The following CATSPER2 variants were observed in gnomAD, a reference collection of about 807,000 sequenced individuals.
CATSPER2 encodes cation channel sperm associated 2.
CATSPER2 carries 56 observed loss-of-function variants against 68.8 expected under a neutral mutation model. That is an observed-to-expected ratio of 0.81 (90% CI 0.66 to 1.02). The LOEUF (loss-of-function observed/expected upper bound fraction) is 1.02. CATSPER2 is among the 50% of genes least tolerant of loss of function. The pLI is 0.00. For synonymous variants in CATSPER2, 198 were observed against 229.9 expected (o/e 0.86, Z 1.26); for missense variants, 582 against 642.0 (o/e 0.91, Z 1.01).
rs1215980262 is a variant in CATSPER2, at chr15:43,648,830, A to T, written c.-204T>A. 5 of 1,530,896 alleles carry T rather than the reference A, an allele frequency of 3.3e-6. No homozygotes were observed. The highest frequency in any genetic ancestry group is 1.2e-5 in the South Asian group (1 of 83,356). The allele number at this position is 1,530,896 out of a possible 1,614,324, so 94.8% of individuals were successfully genotyped here. A position where few individuals can be genotyped will look rare whatever the true frequency, so the allele number is the denominator to read the frequency against. ...CCCTAGCCCCTACCCACAGCCCAGG[A>T]CCATGCGGAGCAACGCTCGCCCAGC... On this transcript the variant is annotated 5_prime_UTR_variant, in exon 1 of 13. Transcript: ENST00000396879.
chr15:43,645,142 G>A (rs1294472934), intron 4 of CATSPER2, among the ~76,000 whole-genome samples: 3 of 151,712 alleles, frequency 2.0e-5, no homozygotes, highest in African/African-American at 7.3e-5. Context: ...TGCAACCTCC[G>A]CCTCCCAGGC....
At chr15:43,635,083 C>A (rs557131167) in intron 10 of CATSPER2, 86 of 497,670 alleles carry the variant, frequency 1.7e-4, no homozygotes, top group African/African-American at 1.6e-3. Flanking sequence ...TTTATAAGGA[C>A]CCTTGCCATT....
rs2085888229 is a variant in CATSPER2, at chr15:43,632,315, A to C, written c.1445T>G (p.Met482Arg). 5 of 1,613,562 alleles carry C rather than the reference A, an allele frequency of 3.1e-6. No individual in the cohort carries two copies. Among genetic ancestry groups the C allele is most frequent in the Admixed American group, 3.3e-5 (2 of 59,960 alleles). The stretch of plus-strand genomic sequence containing the variant: ...AACACGGTCATCCTGATCCATTTCC[A>C]TTAGCCCGGGCAGATTTTCGTGCAC... ...TLVHENLPGL[M>R]EMDQDDRVWP... The change falls in exon 12 of 13, where the codon ATG becomes AGG. Residue 482 changes from methionine to arginine, a missense_variant. Coordinates refer to ENST00000396879, the MANE Select transcript of CATSPER2 (RefSeq NM_172095.4).
chr15:43,643,739 C>T (rs148480471), intron 4 of CATSPER2, among the ~76,000 whole-genome samples: 1 of 151,994 alleles, frequency 6.6e-6, no homozygotes, highest in Non-Finnish European at 1.5e-5. Context: ...TGACCAAAAA[C>T]TTTATATAGC....
Position 43,632,783 on chromosome 15 carries a change from A to T in CATSPER2, c.1330T>A (p.Ser444Thr). 1 of 1,613,768 alleles carries T rather than the reference A, an allele frequency of 6.2e-7. No homozygotes were observed. Among genetic ancestry groups the T allele is most frequent in the Non-Finnish European group, 8.5e-7 (1 of 1,179,834 alleles). Reference protein sequence around the residue: ...LSKKREYQSSSCVSSTSSSYS... With the variant: ...LSKKREYQSSTCVSSTSSSYS... ...GAAGAGGATGTGGAGGAGACACAGG[A>T]GGAAGACTGGTACTCTCTCTTTTTT... is the stretch of plus-strand genomic sequence containing the variant. The change falls in exon 11 of 13, where the codon TCC (serine) becomes ACC (threonine). Residue 444 changes from serine to threonine, a missense_variant. Transcript: ENST00000396879.
intron 6 of CATSPER2, 34 bp downstream of exon 6, chr15:43,639,609 T>C: frequency 6.2e-7 from 1 of 1,611,720 alleles, no homozygotes; most frequent in East Asian, 2.2e-5. Flanking sequence ...TTATCTACCT[T>C]GCCCCCTGCT....
In CATSPER2 at chr15:43,635,829, G is replaced by A; in HGVS notation, c.1022-3C>T. 1.2e-6 allele frequency: 2 copies of A among 1,611,486 alleles called. No homozygotes were observed. Among genetic ancestry groups the A allele is most frequent in the Non-Finnish European group, 8.5e-7 (1 of 1,178,300 alleles). ...CCTGATATTCTGAAAGTTAGTAACT[G>A]CCCCAAAGGGCCATTAGGAGCTGGG... On this transcript the variant is annotated splice_polypyrimidine_tract_variant and splice_region_variant and intron_variant, in intron 8 of 12. Transcript: ENST00000396879.
chr15:43,644,736 T>A lies in CATSPER2; in HGVS notation c.388+2314A>T, dbSNP rs575866065. Among the ~76,000 whole-genome samples the A allele has an allele frequency of 1.4e-3, 220 of 151,942 alleles. 5 individuals are homozygous for A. The highest frequency in any genetic ancestry group is 6.8e-3 in the Middle Eastern group (2 of 294). ...GGTGGAACAGCTTCATCCTGAAACC[T>A]CCCTCCTACCCCATCCATGGAAAAA... is the stretch of plus-strand genomic sequence containing the variant. On this transcript the variant is annotated intron_variant, in intron 4 of 12. Coordinates refer to ENST00000396879, the MANE Select transcript of CATSPER2 (RefSeq NM_172095.4).
In CATSPER2 at chr15:43,648,798, G is replaced by C; in HGVS notation, c.-172C>G. ...ACCCCCAGGTTTCGGCTCACCCCGG[G>C]ACCCGGCCCTAGCCCCTACCCACAG... On this transcript the variant is annotated 5_prime_UTR_variant, in exon 1 of 13. Coordinates refer to ENST00000396879, the MANE Select transcript of CATSPER2 (RefSeq NM_172095.4). The C allele has an allele frequency of 3.9e-6, 6 of 1,531,684 alleles. No homozygotes were observed. Among genetic ancestry groups the C allele is most frequent in the African/African-American group, 1.4e-5 (1 of 72,216 alleles). 94.9% of individuals were successfully genotyped at this position (1,531,684 alleles called of 1,614,324 possible).
chr15:43,643,554 C>T (rs1374647122), intron 4 of CATSPER2, among the ~76,000 whole-genome samples: 1 of 151,772 alleles, frequency 6.6e-6, no homozygotes, highest in Admixed American at 6.6e-5. Context: ...CCAGGTTGGT[C>T]TTGAACTCCT....
At chr15:43,632,121 G>A in intron 12 of CATSPER2, 78 bp downstream of exon 12, 1 of 1,473,006 alleles carries the variant, frequency 6.8e-7, no homozygotes, top group Non-Finnish European at 9.5e-7. Flanking sequence ...CAGAATAGTG[G>A]ACACCCTCCT....
intron 4 of CATSPER2, among the ~76,000 whole-genome samples, chr15:43,644,322 C>A (rs1257588466): frequency 6.6e-6 from 1 of 151,956 alleles, no homozygotes; most frequent in African/African-American, 2.4e-5. Context: ...TCCCTTTCTA[C>A]CACAAGAATA....
At chr15:43,638,726 C>G (rs1362493828) in intron 7 of CATSPER2, among the ~76,000 whole-genome samples, 178 bp downstream of exon 7, 1 of 151,940 alleles carries the variant, frequency 6.6e-6, no homozygotes, top group Non-Finnish European at 1.5e-5. Flanking sequence ...GCCCTAACCT[C>G]AAGATCAGAG....
chr15:43,641,110 TTTTTG>T (rs2086064905), intron 4 of CATSPER2, among the ~76,000 whole-genome samples: 1 of 135,074 alleles, frequency 7.4e-6, no homozygotes, highest in African/African-American at 3.6e-5. Flanking sequence ...TTTGTTTTGT[TTTTTG>T]TTTTTTGTTT....
intron 4 of CATSPER2, among the ~76,000 whole-genome samples, chr15:43,646,400 C>T (rs111620230): frequency 7.0e-4 from 106 of 151,508 alleles, no homozygotes; most frequent in Admixed American, 1.1e-3. Flanking sequence ...GCTGGGATTA[C>T]AGGTGCCCAC....
In CATSPER2 at chr15:43,647,072, C is replaced by G; in HGVS notation, c.366G>C (p.Thr122=). The G allele has an allele frequency of 6.2e-7, 1 of 1,612,472 alleles. No homozygotes were observed. Among genetic ancestry groups the G allele is most frequent in the Non-Finnish European group, 8.5e-7 (1 of 1,178,748 alleles). ...CACCTATTTCAACCATCAATATGAT[C>G]GTATTCAAAAAGACCAGGAAGATGA... ...NFIIFLVFLN[T]IILMVEIELL... Residue 122 remains threonine (T), a synonymous_variant, in exon 4 of 13, where the codon ACG becomes ACC. Coordinates refer to ENST00000396879, the MANE Select transcript of CATSPER2 (RefSeq NM_172095.4).
At chr15:43,635,267 A>C (rs2085942733) in intron 10 of CATSPER2, 93 bp downstream of exon 10, 1 of 1,148,012 alleles carries the variant, frequency 8.7e-7, no homozygotes, top group Non-Finnish European at 1.3e-6. Flanking sequence ...TATTAAATGA[A>C]TGAATTATCT....
chr15:43,637,182 CAAATTTAGCA>C (rs1277434626), intron 7 of CATSPER2, among the ~76,000 whole-genome samples: 2 of 151,798 alleles, frequency 1.3e-5, no homozygotes, highest in African/African-American at 2.4e-5. Flanking sequence ...AGATCACTCG[CAAATTTAGCA>C]AAATTTAGCA....
chr15:43,631,843 T>C lies in CATSPER2; in HGVS notation c.1561+356A>G, dbSNP rs112781117. The stretch of plus-strand genomic sequence containing the variant: ...TCTGAAATGCAATCTTCAGAGAGAA[T>C]AAACGTGCAGAAACTGGTGGGCTGC... On this transcript the variant is annotated intron_variant, in intron 12 of 12. Coordinates refer to ENST00000396879, the MANE Select transcript of CATSPER2 (RefSeq NM_172095.4). Among the ~76,000 whole-genome samples the C allele has an allele frequency of 2.6e-4, 40 of 151,174 alleles. 1 individual carries two copies. The highest frequency in any genetic ancestry group is 7.8e-4 in the East Asian group (4 of 5,132).
Sources: allele counts gnomAD v4.1 joint callset (sites outside exome capture counted in the v4.1 genomes callset), GRCh38; gene constraint gnomAD v4.1.1; transcripts MANE v1.5; gene names NCBI Gene and HGNC (gene_info 2026-07-23, HGNC 2026-07-21).